CNTN5: variants seen among roughly 807,000 people sequenced by gnomAD.
The protein encoded by CNTN5 is contactin-5.
CNTN5 carries 77 observed loss-of-function variants against 129.1 expected under a neutral mutation model. The ratio of observed to expected loss-of-function variants is 0.60; its 90% confidence interval spans 0.50 to 0.72. The LOEUF is 0.72. CNTN5 is among the 30% of genes least tolerant of loss of function. The pLI is 0.00. For synonymous variants in CNTN5, 509 were observed against 465.6 expected (o/e 1.09, Z -1.20); for missense variants, 1,478 against 1,328.8 (o/e 1.11, Z -1.75).
At chr11:99,642,074 G>A (rs1408408495) in intron 3 of CNTN5, among the ~76,000 whole-genome samples, 1 of 152,120 alleles carries the variant, frequency 6.6e-6, no homozygotes. Flanking sequence ...TTTTCTAAGT[G>A]TAGCTGATAG....
At chr11:99,705,362 A>G (rs1247148551) in intron 3 of CNTN5, among the ~76,000 whole-genome samples, 1 of 151,308 alleles carries the variant, frequency 6.6e-6, no homozygotes, top group Non-Finnish European at 1.5e-5. Flanking sequence ...ACCTTTCTCC[A>G]TTACCAGCTG....
chr11:99,717,615 T>C (rs1210403411), intron 3 of CNTN5, among the ~76,000 whole-genome samples: 2 of 152,090 alleles, frequency 1.3e-5, no homozygotes, highest in African/African-American at 4.8e-5. Flanking sequence ...ATCAACACTT[T>C]TTAAGCCACA....
intron 6 of CNTN5, among the ~76,000 whole-genome samples, chr11:99,872,237 GA>G (rs1186916260): frequency 6.6e-6 from 1 of 151,514 alleles, no homozygotes; most frequent in Admixed American, 6.6e-5. Flanking sequence ...ACTATGAAAT[GA>G]AAAAAAATTT....
intron 15 of CNTN5, among the ~76,000 whole-genome samples, chr11:100,210,890 T>G (rs1326946428): frequency 6.6e-6 from 1 of 152,196 alleles, no homozygotes; most frequent in African/African-American, 2.4e-5. Flanking sequence ...AAATATAGAT[T>G]GTGTATTCGT....
In CNTN5 at chr11:99,806,931, A is replaced by G. The variant is rs145265620; in HGVS notation, c.56-12613A>G. Among the ~76,000 whole-genome samples, 233 of 152,194 alleles carry G rather than the reference A, an allele frequency of 1.5e-3. 1 individual carries two copies. The highest frequency in any genetic ancestry group is 5.3e-3 in the African/African-American group (219 of 41,542). ...GTAAACCTTTTCTTCAGAGTATGCT[A>G]TTATCAAATTGGAAGCAAAACACTA... is the stretch of plus-strand genomic sequence containing the variant. On this transcript the variant is annotated intron_variant, in intron 3 of 24. Transcript: ENST00000524871.
chr11:99,091,143 T>C (rs2135317886), intron 1 of CNTN5, among the ~76,000 whole-genome samples: 1 of 151,934 alleles, frequency 6.6e-6, no homozygotes, highest in Non-Finnish European at 1.5e-5. Context: ...CATTTGTGTA[T>C]ATCTGCCTTT....
intron 3 of CNTN5, chr11:99,558,094 T>C (rs1268523873): frequency 6.0e-6 from 1 of 167,158 alleles, no homozygotes; most frequent in East Asian, 1.7e-4. Context: ...AGGTAAGGTA[T>C]CTCAAAGGCA....
chr11:99,875,364 T>G (rs1948605909), intron 6 of CNTN5, among the ~76,000 whole-genome samples: 1 of 152,166 alleles, frequency 6.6e-6, no homozygotes, highest in African/African-American at 2.4e-5. Context: ...TTATCATAAC[T>G]GGGAAGTTGA....
At chr11:100,064,546 A>T (rs527681103) in intron 10 of CNTN5, among the ~76,000 whole-genome samples, 5 of 152,300 alleles carry the variant, frequency 3.3e-5, no homozygotes, top group Admixed American at 3.3e-4. Context: ...TGGAAAAATT[A>T]AAATACTAAG....
chr11:99,047,510 A>C (rs949009290), intron 1 of CNTN5, among the ~76,000 whole-genome samples: 1 of 152,148 alleles, frequency 6.6e-6, no homozygotes, highest in African/African-American at 2.4e-5. Flanking sequence ...ATAATTTAAC[A>C]GTCTTCTAAG....
intron 6 of CNTN5, among the ~76,000 whole-genome samples, chr11:99,892,520 G>C (rs1949089969): frequency 6.6e-6 from 1 of 152,090 alleles, no homozygotes; most frequent in Non-Finnish European, 1.5e-5. Context: ...GTAAGGAAGG[G>C]GTCCAGTTTC....
At chr11:99,332,606 A>G (rs975180146) in intron 2 of CNTN5, among the ~76,000 whole-genome samples, 1 of 152,006 alleles carries the variant, frequency 6.6e-6, no homozygotes, top group Non-Finnish European at 1.5e-5. Flanking sequence ...CTCTTACTCT[A>G]TTATGGTGTA....
At chr11:99,894,196 C>T (rs1225982835) in intron 6 of CNTN5, among the ~76,000 whole-genome samples, 2 of 152,056 alleles carry the variant, frequency 1.3e-5, no homozygotes, top group African/African-American at 2.4e-5. Context: ...TGGCATAGTT[C>T]ACATTTCAAC....
intron 1 of CNTN5, among the ~76,000 whole-genome samples, chr11:99,073,787 A>G (rs1308823129): frequency 6.6e-6 from 1 of 151,832 alleles, no homozygotes; most frequent in East Asian, 1.9e-4. Context: ...TTCTTTATCC[A>G]GTCTATCTTC....
chr11:99,106,840 C>T (rs937062730), intron 1 of CNTN5, among the ~76,000 whole-genome samples: 5 of 151,978 alleles, frequency 3.3e-5, no homozygotes, highest in Non-Finnish European at 7.4e-5. Flanking sequence ...AAGAGCACTC[C>T]ACAGATGTCC....
chr11:99,264,418 T>C (rs929625113), intron 1 of CNTN5, among the ~76,000 whole-genome samples: 4 of 152,060 alleles, frequency 2.6e-5, no homozygotes, highest in African/African-American at 9.7e-5. Context: ...ATAGATTTTA[T>C]GGGAGGCATT....
chr11:99,665,973 G>GT (rs1952777495), intron 3 of CNTN5, among the ~76,000 whole-genome samples: 4 of 150,164 alleles, frequency 2.7e-5, no homozygotes, highest in South Asian at 2.1e-4. Context: ...TTTTGTTTTT[G>GT]TTTTTTTGAG....
intron 3 of CNTN5, among the ~76,000 whole-genome samples, chr11:99,596,784 C>T (rs1276929172): frequency 1.3e-5 from 2 of 152,078 alleles, no homozygotes; most frequent in Admixed American, 6.6e-5. Flanking sequence ...GTTTGCCAGG[C>T]TATAAAACTA....
chr11:99,306,341 G>A (rs1047088663), intron 1 of CNTN5, among the ~76,000 whole-genome samples: 15 of 152,070 alleles, frequency 9.9e-5, no homozygotes, highest in African/African-American at 3.6e-4. Flanking sequence ...ATCTTTTAGG[G>A]TTATTGTGCA....
Sources: gnomAD v4.1 joint callset for allele counts (sites outside exome capture counted in the v4.1 genomes callset) on GRCh38, gnomAD v4.1.1 for gene constraint, MANE v1.5 for transcripts, NCBI Gene and HGNC (gene_info 2026-07-23, HGNC 2026-07-21) for gene names.